The following PRKG1 variants were observed in gnomAD, a reference collection of about 807,000 sequenced individuals.
PRKG1 encodes the protein cGMP-dependent protein kinase 1.
PRKG1 carries 35 observed loss-of-function variants against 88.1 expected under a neutral mutation model. The observed-to-expected ratio is 0.40, with a 90% CI of 0.30 to 0.53. The LOEUF (loss-of-function observed/expected upper bound fraction) is 0.53. Among genes scored for constraint, PRKG1 ranks in the 20% least tolerant of loss-of-function variants. PRKG1 has a pLI of 0.59. For missense variants in PRKG1, 540 were observed against 839.8 expected (o/e 0.64, Z 4.41); for synonymous variants, 303 against 292.5 (o/e 1.04, Z -0.37).
At chr10:51,543,319 T>C (rs1353694919) in intron 3 of PRKG1, among the ~76,000 whole-genome samples, 2 of 152,322 alleles carry the variant, frequency 1.3e-5, no homozygotes, top group South Asian at 2.1e-4. Flanking sequence ...AACCTCCTTG[T>C]TTTTGTCAGT....
intron 3 of PRKG1, among the ~76,000 whole-genome samples, chr10:51,729,576 G>T (rs958709055): frequency 2.6e-5 from 4 of 151,382 alleles, no homozygotes. Flanking sequence ...GCATAGTGGC[G>T]GGCACCTGTA....
intron 2 of PRKG1, among the ~76,000 whole-genome samples, chr10:51,261,807 T>A (rs1481885864): frequency 6.6e-6 from 1 of 151,788 alleles, no homozygotes; most frequent in Non-Finnish European, 1.5e-5. Flanking sequence ...CTGTTTGAAA[T>A]GATCAGCAGC....
intron 1 of PRKG1, among the ~76,000 whole-genome samples, chr10:51,151,913 G>A (rs1846082811): frequency 6.6e-6 from 1 of 152,004 alleles, no homozygotes; most frequent in Admixed American, 6.6e-5. Flanking sequence ...ACTACCGCAG[G>A]TCACTCCCCT....
intron 4 of PRKG1, among the ~76,000 whole-genome samples, chr10:51,810,182 T>C (rs1839418851): frequency 6.6e-6 from 1 of 152,236 alleles, no homozygotes; most frequent in Admixed American, 6.5e-5. Flanking sequence ...CATTATATTT[T>C]CAATACAAAT....
At chr10:51,665,836 A>T (rs1030219122) in intron 3 of PRKG1, among the ~76,000 whole-genome samples, 1 of 151,976 alleles carries the variant, frequency 6.6e-6, no homozygotes, top group Non-Finnish European at 1.5e-5. Context: ...ACCTCAACGG[A>T]TTTTTATTTT....
At chr10:51,149,135 C>T (rs1178189581) in intron 1 of PRKG1, among the ~76,000 whole-genome samples, 1 of 152,070 alleles carries the variant, frequency 6.6e-6, no homozygotes, top group African/African-American at 2.4e-5. Context: ...AATGCTTTTC[C>T]TCGTCATCAC....
chr10:51,069,247 A>T (rs1445745480), intron 1 of PRKG1, among the ~76,000 whole-genome samples: 1 of 151,836 alleles, frequency 6.6e-6, no homozygotes, highest in Non-Finnish European at 1.5e-5. Flanking sequence ...ATGGTTTATT[A>T]TTTTTTTCTT....
At chr10:51,769,614 A>G (rs975217061) in intron 3 of PRKG1, among the ~76,000 whole-genome samples, 2 of 152,174 alleles carry the variant, frequency 1.3e-5, no homozygotes, top group Admixed American at 6.6e-5. Context: ...TTGGAAACAG[A>G]TATCTTTTGT....
intron 3 of PRKG1, among the ~76,000 whole-genome samples, chr10:51,664,363 C>G (rs1256089226): frequency 6.6e-6 from 1 of 152,134 alleles, no homozygotes; most frequent in Non-Finnish European, 1.5e-5. Flanking sequence ...AACAAAAATA[C>G]ATTTCTTCAG....
intron 5 of PRKG1, among the ~76,000 whole-genome samples, chr10:51,929,077 G>A (rs1026853496): frequency 5.9e-5 from 9 of 152,078 alleles, no homozygotes. Context: ...TATAAATCAA[G>A]AAAGCTGAAT....
chr10:52,265,573 T>C (rs560869102), intron 10 of PRKG1, among the ~76,000 whole-genome samples: 1 of 152,206 alleles, frequency 6.6e-6, no homozygotes, highest in Non-Finnish European at 1.5e-5. Context: ...GATCATAATC[T>C]TCCTTCCCAA....
Position 52,157,306 on chromosome 10 carries a change from G to GAGATATATATATAT in PRKG1, c.1002-4582_1002-4581insGATATATATATATA, listed in dbSNP as rs1289803162. Among the ~76,000 whole-genome samples, 823 of 125,732 alleles carry GAGATATATATATAT rather than the reference G, an allele frequency of 6.5e-3. 14 individuals carry two copies. Among genetic ancestry groups the GAGATATATATATAT allele is most frequent in the East Asian group, 0.028 (104 of 3,752 alleles). 82.5% of individuals were successfully genotyped at this position (125,732 alleles called of 152,430 possible). A position where few individuals can be genotyped will look rare whatever the true frequency, so the allele number is the denominator to read the frequency against. Reference sequence around the variant, plus strand: ...TATATATATTGTGTGTGAGTTAGTTGATATATATATATATATATATATATA... The same window carrying GAGATATATATATAT: ...TATATATATTGTGTGTGAGTTAGTTGAGATATATATATATATATATATATATATATATATATATA... On this transcript the variant is annotated intron_variant, in intron 8 of 17. Transcript: ENST00000373980.
chr10:51,794,676 ATTAG>A (rs555993075), intron 3 of PRKG1, among the ~76,000 whole-genome samples: 77 of 152,260 alleles, frequency 5.1e-4, no homozygotes, highest in African/African-American at 1.8e-3. Context: ...GCAATTGTTA[ATTAG>A]TTAGATTTAG....
intron 2 of PRKG1, among the ~76,000 whole-genome samples, chr10:51,435,439 T>TGGCA (rs1485687627): frequency 6.6e-6 from 1 of 151,696 alleles, no homozygotes; most frequent in Non-Finnish European, 1.5e-5. Context: ...TATATATATA[T>TGGCA]ATATGTCATA....
chr10:51,299,005 G>A (rs1840799039), intron 2 of PRKG1, among the ~76,000 whole-genome samples: 2 of 152,132 alleles, frequency 1.3e-5, no homozygotes. Context: ...GTTGTCTAAA[G>A]TGTAATAATG....
chr10:51,457,568 T>G (rs140881474), intron 2 of PRKG1, among the ~76,000 whole-genome samples: 6 of 152,314 alleles, frequency 3.9e-5, no homozygotes, highest in African/African-American at 1.2e-4. Flanking sequence ...CACCAAAAAC[T>G]ATTGAAATAA....
At chr10:51,683,934 G>A (rs1840916697) in intron 3 of PRKG1, among the ~76,000 whole-genome samples, 1 of 152,156 alleles carries the variant, frequency 6.6e-6, no homozygotes, top group Non-Finnish European at 1.5e-5. Context: ...GTTTTTCGGG[G>A]GAATGTAAAA....
chr10:51,897,967 A>T (rs563186282), intron 4 of PRKG1, among the ~76,000 whole-genome samples: 2 of 152,088 alleles, frequency 1.3e-5, no homozygotes, highest in African/African-American at 4.8e-5. Context: ...TCTTACAATG[A>T]TCTATAAGCC....
chr10:51,251,333 C>T (rs564559001), intron 2 of PRKG1, among the ~76,000 whole-genome samples: 1 of 151,804 alleles, frequency 6.6e-6, no homozygotes, highest in African/African-American at 2.4e-5. Context: ...AGGTGTCAGT[C>T]CTCTTAAAAG....
Sources: gnomAD v4.1 joint callset for allele counts (sites outside exome capture counted in the v4.1 genomes callset) on GRCh38, gnomAD v4.1.1 for gene constraint, MANE v1.5 for transcripts, NCBI Gene and HGNC (gene_info 2026-07-23, HGNC 2026-07-21) for gene names.